The following CADPS2 variants were observed in gnomAD, a reference collection of about 807,000 sequenced individuals.
CADPS2 encodes calcium-dependent secretion activator 2.
In CADPS2, 93 loss-of-function variants were observed where a neutral mutation model predicts 172.5. The observed-to-expected ratio is 0.54, with a 90% CI of 0.46 to 0.64. The LOEUF (loss-of-function observed/expected upper bound fraction) is 0.64. CADPS2 is among the 30% of genes least tolerant of loss of function. CADPS2 has a pLI of 0.00. For synonymous variants in CADPS2, 546 were observed against 555.2 expected (o/e 0.98, Z 0.23); for missense variants, 1,420 against 1,565.9 (o/e 0.91, Z 1.57).
At position 122,319,907 on chromosome 7, in the gene CADPS2, AT is replaced by A; in HGVS notation, c.*257del. ...CTGATCACAAGCAGAGCCAAGGTTC[AT>A]TTTTAGGTCAAACTACACAAAAGAG... is the stretch of plus-strand genomic sequence containing the variant. On this transcript the variant is annotated 3_prime_UTR_variant, in exon 30 of 30. Coordinates refer to ENST00000449022, the MANE Select transcript of CADPS2 (RefSeq NM_017954.11). 2.8e-6 allele frequency: 1 copy of A among 350,984 alleles called. No homozygotes were observed. The highest frequency in any genetic ancestry group is 5.1e-6 in the Non-Finnish European group (1 of 197,218). 21.7% of individuals were successfully genotyped at this position (350,984 alleles called of 1,614,324 possible). A position where few individuals can be genotyped will look rare whatever the true frequency, so the allele number is the denominator to read the frequency against.
At position 122,519,699 on chromosome 7, in the gene CADPS2, C is replaced by T. The variant is rs574386327; in HGVS notation, c.1476-6384G>A. Among the ~76,000 whole-genome samples, 5 of 151,894 alleles carry T rather than the reference C, an allele frequency of 3.3e-5. No homozygotes were observed. In the East Asian group the frequency reaches 7.7e-4, roughly 24 times the overall value. ...GACTTAAAAAAAAAATCCAGCTATC[C>T]TTAGGTCACACTGTATCATCAAATA... is the stretch of plus-strand genomic sequence containing the variant. On this transcript the variant is annotated intron_variant, in intron 8 of 29. Transcript: ENST00000449022.
At chr7:122,432,604 G>A (rs1257359252) in intron 17 of CADPS2, among the ~76,000 whole-genome samples, 2 of 144,124 alleles carry the variant, frequency 1.4e-5, no homozygotes, top group Non-Finnish European at 3.0e-5. Context: ...TTGTACCAGT[G>A]CACTCCAGCC....
At chr7:122,848,908 A>C (rs1036455624) in intron 1 of CADPS2, among the ~76,000 whole-genome samples, 31 of 144,702 alleles carry the variant, frequency 2.1e-4, no homozygotes, top group Non-Finnish European at 4.4e-4. Flanking sequence ...GACTTTACTA[A>C]GAAAAAAAAT....
Position 122,857,897 on chromosome 7 carries a change from T to G in CADPS2, c.339+28102A>C, listed in dbSNP as rs1584968592. Among the ~76,000 whole-genome samples, 3 of 152,172 alleles carry G rather than the reference T, an allele frequency of 2.0e-5. No individual in the cohort carries two copies. The South Asian group carries it at 6.2e-4, about 32-fold the overall frequency. On this transcript the variant is annotated intron_variant, in intron 1 of 29. Coordinates refer to ENST00000449022, the MANE Select transcript of CADPS2 (RefSeq NM_017954.11). ...CTTCTTCCTTGCAGTGGGTTCGTGG[T>G]CTTGCTGACTTCAAGAATGAAGCCA... is the stretch of plus-strand genomic sequence containing the variant.
Position 122,621,553 on chromosome 7 carries a change from T to C in CADPS2, c.1032A>G (p.Ala344=). ...CATTCTCATCTCCTATGTCCAAAAA[T>C]GCAGAGTTCTGTGAACGTTTTAATT... ...LQKLKRSQNS[A]FLDIGDENEI... is the part of the protein sequence containing the mutation. The change falls in exon 5 of 30, where the codon GCA becomes GCG. Residue 344 remains alanine (A), a synonymous_variant. Coordinates refer to ENST00000449022, the MANE Select transcript of CADPS2 (RefSeq NM_017954.11). 6.2e-7 allele frequency: 1 copy of C among 1,613,898 alleles called. No individual in the cohort carries two copies. The highest frequency in any genetic ancestry group is 8.5e-7 in the Non-Finnish European group (1 of 1,179,840).
chr7:122,345,551 A>C, intron 28 of CADPS2, 23 bp downstream of exon 28: 2 of 1,365,106 alleles, frequency 1.5e-6, no homozygotes, highest in Non-Finnish European at 2.1e-6. Context: ...GTGTCAGCAT[A>C]CCTTGCAAGG....
chr7:122,668,033 G>A (rs1371022741), intron 2 of CADPS2, among the ~76,000 whole-genome samples: 1 of 152,110 alleles, frequency 6.6e-6, no homozygotes, highest in Non-Finnish European at 1.5e-5. Flanking sequence ...TAGGTAATTG[G>A]TGGCAGCACC....
chr7:122,744,903 C>T (rs2092656704), intron 1 of CADPS2, among the ~76,000 whole-genome samples: 1 of 152,052 alleles, frequency 6.6e-6, no homozygotes, highest in South Asian at 2.1e-4. Context: ...AATGTTAAAT[C>T]CATTAATTAT....
intron 28 of CADPS2, among the ~76,000 whole-genome samples, chr7:122,331,380 G>T (rs2034919396): frequency 6.6e-6 from 1 of 152,170 alleles, no homozygotes; most frequent in Admixed American, 6.5e-5. Flanking sequence ...GCCAGTGCCT[G>T]TAATCCCAGC....
intron 14 of CADPS2, among the ~76,000 whole-genome samples, chr7:122,469,116 A>G (rs6970658): frequency 0.071 from 10,855 of 152,258 alleles, 732 homozygotes; most frequent in African/African-American, 0.18. Flanking sequence ...AGTTTTACAG[A>G]ATAAAAGTAA....
At chr7:122,509,164 T>C (rs938301274) in intron 9 of CADPS2, among the ~76,000 whole-genome samples, 8 of 152,182 alleles carry the variant, frequency 5.3e-5, no homozygotes, top group Non-Finnish European at 1.0e-4. Context: ...GAGAGGAGTC[T>C]GCTGTAATGG....
intron 11 of CADPS2, among the ~76,000 whole-genome samples, chr7:122,488,374 G>C (rs1274278469): frequency 6.6e-6 from 1 of 152,184 alleles, no homozygotes; most frequent in Non-Finnish European, 1.5e-5. Flanking sequence ...GATAAGAGCT[G>C]TGCTGCAAGA....
At chr7:122,837,230 T>C (rs1406366159) in intron 1 of CADPS2, among the ~76,000 whole-genome samples, 1 of 152,012 alleles carries the variant, frequency 6.6e-6, no homozygotes, top group African/African-American at 2.4e-5. Context: ...TTGAAACCAA[T>C]GAAAACAAAG....
intron 3 of CADPS2, among the ~76,000 whole-genome samples, chr7:122,645,488 G>GTATATATAAGTATATATATACT (rs2078355677): frequency 1.1e-5 from 1 of 94,294 alleles, no homozygotes; most frequent in Admixed American, 1.1e-4. Context: ...TATATTTAGC[G>GTATATATAAGTATATATATACT]TATATATATA....
intron 1 of CADPS2, among the ~76,000 whole-genome samples, chr7:122,780,248 C>A (rs1792331682): frequency 6.6e-6 from 1 of 151,970 alleles, no homozygotes; most frequent in South Asian, 2.1e-4. Flanking sequence ...CATTGAAGGT[C>A]CTTTACTGAA....
intron 6 of CADPS2, among the ~76,000 whole-genome samples, chr7:122,582,893 A>T (rs1420068702): frequency 2.6e-5 from 4 of 151,972 alleles, no homozygotes; most frequent in Non-Finnish European, 4.4e-5. Context: ...TATTACACTG[A>T]TTTTTTTCCT....
rs2031821762 is a variant in CADPS2 at position 122,318,872 on chromosome 7, T to C, written c.*1293A>G. The C allele has an allele frequency of 6.6e-6, 1 of 152,220 alleles. No individual in the cohort carries two copies. Among genetic ancestry groups the C allele is most frequent in the Non-Finnish European group, 1.5e-5 (1 of 68,028 alleles). The allele number at this position is 152,220 out of a possible 1,614,324, so 9.4% of individuals were successfully genotyped here. A position where few individuals can be genotyped will look rare whatever the true frequency, so the allele number is the denominator to read the frequency against. On this transcript the variant is annotated 3_prime_UTR_variant, in exon 30 of 30. Transcript: ENST00000449022. ...TAAAGTTTCAGAATAAACGTTTTCATAAATGCAGGGATACCTCCACTTATT... is the reference window on the plus strand; with the variant it reads ...TAAAGTTTCAGAATAAACGTTTTCACAAATGCAGGGATACCTCCACTTATT...
chr7:122,526,342 C>T (rs915998227), intron 8 of CADPS2, among the ~76,000 whole-genome samples: 1 of 152,026 alleles, frequency 6.6e-6, no homozygotes, highest in Non-Finnish European at 1.5e-5. Flanking sequence ...TAGCCATGCA[C>T]CACCATGCCC....
intron 7 of CADPS2, among the ~76,000 whole-genome samples, chr7:122,574,106 T>G (rs909002216): frequency 6.6e-6 from 1 of 151,966 alleles, no homozygotes; most frequent in Non-Finnish European, 1.5e-5. Flanking sequence ...TGAGTAAATA[T>G]ATTGATGTCG....
Sources: allele counts gnomAD v4.1 joint callset (sites outside exome capture counted in the v4.1 genomes callset), GRCh38; gene constraint gnomAD v4.1.1; transcripts MANE v1.5; gene names NCBI Gene and HGNC (gene_info 2026-07-23, HGNC 2026-07-21).